The following SPIDR variants were observed in gnomAD, a reference collection of about 807,000 sequenced individuals.
The protein encoded by SPIDR is DNA repair-scaffolding protein.
Under a neutral mutation model 104.6 loss-of-function variants are expected in SPIDR, and 93 were observed. That is an observed-to-expected ratio of 0.89 (90% confidence interval 0.75 to 1.06). The LOEUF is 1.06. SPIDR is among the 50% of genes least tolerant of loss of function. SPIDR has a pLI of 0.00. For synonymous variants in SPIDR, 431 were observed against 416.9 expected, an observed-to-expected ratio of 1.03 and a Z score of -0.41; for missense variants, 1,154 against 1,111.2, an observed-to-expected ratio of 1.04 and a Z score of -0.55.
chr8:47,295,561 C>T (rs2154241494), intron 5 of SPIDR, among the ~76,000 whole-genome samples: 1 of 152,206 alleles, frequency 6.6e-6, no homozygotes, highest in African/African-American at 2.4e-5. Flanking sequence ...CTGTATTTGT[C>T]TTTGTGTGCC....
intron 10 of SPIDR, chr8:47,659,656 C>T: frequency 1.0e-6 from 1 of 979,288 alleles, no homozygotes; most frequent in African/African-American, 1.8e-5. Context: ...GCCCTTCTCG[C>T]CCCCGCCTTT....
At chr8:47,591,337 T>C (rs779841406) in intron 8 of SPIDR, among the ~76,000 whole-genome samples, 1 of 151,846 alleles carries the variant, frequency 6.6e-6, no homozygotes, top group African/African-American at 2.4e-5. Context: ...ATTACATATA[T>C]GTAACTTAGC....
At chr8:47,615,994 T>TA (rs994711833) in intron 10 of SPIDR, among the ~76,000 whole-genome samples, 9 of 151,904 alleles carry the variant, frequency 5.9e-5, no homozygotes, top group Non-Finnish European at 1.0e-4. Flanking sequence ...TGCTAGTGTA[T>TA]AAAAAAAACA....
At chr8:47,536,247 C>T (rs184554391) in intron 8 of SPIDR, among the ~76,000 whole-genome samples, 1 of 152,132 alleles carries the variant, frequency 6.6e-6, no homozygotes, top group Non-Finnish European at 1.5e-5. Context: ...CAGTGTAATT[C>T]CAATCAAAAT....
chr8:47,640,701 G>A (rs1013144409), intron 10 of SPIDR, among the ~76,000 whole-genome samples: 2 of 151,762 alleles, frequency 1.3e-5, no homozygotes, highest in African/African-American at 2.4e-5. Context: ...TTTTTGAGAC[G>A]GAGCCTCGCT....
intron 8 of SPIDR, among the ~76,000 whole-genome samples, chr8:47,470,292 TG>T (rs1454424341): frequency 1.1e-4 from 16 of 152,242 alleles, no homozygotes; most frequent in African/African-American, 3.9e-4. Context: ...TTTTTGTTTT[TG>T]TTTTTTGTTT....
At chr8:47,464,609 C>G (rs2074466946) in intron 8 of SPIDR, among the ~76,000 whole-genome samples, 1 of 152,092 alleles carries the variant, frequency 6.6e-6, no homozygotes, top group African/African-American at 2.4e-5. Context: ...CTGCTCTCAC[C>G]ACAAGCCTCT....
At chr8:47,277,532 T>C (rs2036764817) in intron 1 of SPIDR, among the ~76,000 whole-genome samples, 1 of 140,538 alleles carries the variant, frequency 7.1e-6, no homozygotes. Context: ...CCCCTGCTAA[T>C]TTTTTTTTTT....
At chr8:47,385,608 G>A (rs782259462) in intron 5 of SPIDR, among the ~76,000 whole-genome samples, 45 of 152,196 alleles carry the variant, frequency 3.0e-4, no homozygotes, top group Non-Finnish European at 7.3e-5. Flanking sequence ...AAGTGCTTCT[G>A]CCGGCCTGTG....
chr8:47,396,499 A>G lies in SPIDR; in HGVS notation c.649A>G (p.Arg217Gly), dbSNP rs1554658582. 2 of 1,614,178 alleles carry G rather than the reference A, an allele frequency of 1.2e-6. No homozygotes were observed. The highest frequency in any genetic ancestry group is 1.7e-5 in the Admixed American group (1 of 60,018). ...KYHVQFASDA[R>G]QIMERLIDPR... ...CCACGTGCAGTTTGCATCGGATGCA[A>G]GACAGATTATGGAGAGACTGATAGA... Residue 217 changes from arginine (R) to glycine (G), a missense_variant, in exon 6 of 20, where the codon AGA (arginine) becomes GGA (glycine). Transcript: ENST00000297423.
intron 8 of SPIDR, among the ~76,000 whole-genome samples, chr8:47,488,406 T>G (rs2078071125): frequency 6.6e-6 from 1 of 152,154 alleles, no homozygotes; most frequent in Non-Finnish European, 1.5e-5. Context: ...GATTCACAGC[T>G]GAATTCTACC....
In SPIDR at chr8:47,336,879, C is replaced by A. The variant is rs185937290; in HGVS notation, c.525+42849C>A. Among the ~76,000 whole-genome samples the A allele has an allele frequency of 6.6e-5, 10 of 152,276 alleles. No individual in the cohort carries two copies. The East Asian group carries it at 1.9e-3, about 29-fold the overall frequency. ...TCTCTGAAGTGGCTGCACTGTTCTG[C>A]ATTCCCACTAGAAATGTTTGAGGGT... On this transcript the variant is annotated intron_variant, in intron 5 of 19. Coordinates refer to ENST00000297423, the MANE Select transcript of SPIDR (RefSeq NM_001080394.4).
At chr8:47,645,724 TTAA>T (rs1209967836) in intron 10 of SPIDR, among the ~76,000 whole-genome samples, 4 of 152,294 alleles carry the variant, frequency 2.6e-5, no homozygotes, top group Middle Eastern at 3.4e-3. Flanking sequence ...AGGAACTTAG[TTAA>T]TAATACATTT....
chr8:47,690,480 ATATAT>A (rs755551891), intron 11 of SPIDR, among the ~76,000 whole-genome samples: 3 of 150,104 alleles, frequency 2.0e-5, no homozygotes, highest in Non-Finnish European at 3.0e-5. Flanking sequence ...ATTTATATAC[ATATAT>A]TATTTTTAAT....
At chr8:47,464,443 A>T (rs2154354566) in intron 8 of SPIDR, among the ~76,000 whole-genome samples, 1 of 152,288 alleles carries the variant, frequency 6.6e-6, no homozygotes, top group South Asian at 2.1e-4. Context: ...AGATCTTCAG[A>T]GGGAAGGTAC....
intron 8 of SPIDR, among the ~76,000 whole-genome samples, chr8:47,533,269 C>T (rs1173116396): frequency 1.3e-5 from 2 of 151,878 alleles, no homozygotes; most frequent in African/African-American, 2.4e-5. Flanking sequence ...AATAAAAATT[C>T]TCAACTCAAA....
At chr8:47,595,527 C>T (rs994952232) in intron 8 of SPIDR, among the ~76,000 whole-genome samples, 1 of 152,084 alleles carries the variant, frequency 6.6e-6, no homozygotes, top group Non-Finnish European at 1.5e-5. Context: ...TCCGTATTTC[C>T]CCCTGAGGGG....
intron 5 of SPIDR, among the ~76,000 whole-genome samples, chr8:47,312,928 C>T (rs1199697441): frequency 2.0e-5 from 3 of 152,092 alleles, no homozygotes; most frequent in African/African-American, 7.2e-5. Flanking sequence ...CCAGTTTCAG[C>T]TTTCTACATA....
intron 1 of SPIDR, among the ~76,000 whole-genome samples, chr8:47,274,059 A>G (rs1163385433): frequency 2.6e-5 from 4 of 152,152 alleles, no homozygotes; most frequent in African/African-American, 9.7e-5. Flanking sequence ...TCAGTAGGAT[A>G]AACTTAGGAG....
Sources: gnomAD v4.1 joint callset for allele counts (sites outside exome capture counted in the v4.1 genomes callset) on GRCh38, gnomAD v4.1.1 for gene constraint, MANE v1.5 for transcripts, NCBI Gene and HGNC (gene_info 2026-07-23, HGNC 2026-07-21) for gene names.